The following RBM10 variants were observed in gnomAD, a reference collection of about 807,000 sequenced individuals.
The protein encoded by RBM10 is RNA binding motif protein 10.
A neutral mutation model predicts 84.9 loss-of-function variants in RBM10; 1 was observed. The ratio of observed to expected loss-of-function variants is 0.01; its 90% confidence interval spans 0.00 to 0.06. The LOEUF is 0.06. RBM10 is among the 10% of genes least tolerant of loss of function. RBM10 has a pLI of 1.00. For missense variants in RBM10, 438 were observed against 839.0 expected (o/e 0.52, Z 5.90); for synonymous variants, 326 against 344.5 (o/e 0.95, Z 0.60).
In RBM10 at chrX:47,153,132, C is replaced by T. The variant is rs183656159; in HGVS notation, c.17+5634C>T. On this transcript the variant is annotated intron_variant, in intron 2 of 23. Transcript: ENST00000377604. ...AAGTGCTGGGATTACAGGCATGAGC[C>T]ACCACATCCAGCCTGACATGACCTT... Among the ~76,000 whole-genome samples, 852 of 112,349 alleles carry T rather than the reference C, an allele frequency of 7.6e-3. 3 individuals carry two copies. The highest frequency in any genetic ancestry group is 0.013 in the Non-Finnish European group (708 of 53,276).
In RBM10 at chrX:47,147,474, A is replaced by G. The variant is rs781830887; in HGVS notation, c.-8A>G. 7 of 1,210,082 alleles carry G rather than the reference A, an allele frequency of 5.8e-6. No homozygotes were observed. The highest frequency in any genetic ancestry group is 3.5e-5 in the South Asian group (2 of 56,837). The stretch of plus-strand genomic sequence containing the variant: ...GGCCCCAGCAGCCCCCGAAGGCCCT[A>G]TCAGGACATGGAGTATGAAAGACGG... On this transcript the variant is annotated 5_prime_UTR_variant, in exon 2 of 24. Transcript: ENST00000377604.
In RBM10 at chrX:47,186,701, G is replaced by C. The variant is rs1435954074; in HGVS notation, c.*102G>C. 1 of 1,047,182 alleles carries C rather than the reference G, an allele frequency of 9.5e-7. No individual in the cohort carries two copies. The highest frequency in any genetic ancestry group is 3.1e-5 in the East Asian group (1 of 32,670). The allele number at this position is 1,047,182 out of a possible 1,213,427, so 86.3% of individuals were successfully genotyped here. On this transcript the variant is annotated 3_prime_UTR_variant, in exon 24 of 24. Coordinates refer to ENST00000377604, the MANE Select transcript of RBM10 (RefSeq NM_005676.5). ...GACGGGGCCTTGCTCTTGTCGGCCA[G>C]CCCACTCCCCAGCCAGAGAGGGCTT...
chrX:47,150,868 G>A (rs1556763483), intron 2 of RBM10, among the ~76,000 whole-genome samples: 2 of 111,657 alleles, frequency 1.8e-5, no homozygotes, highest in Admixed American at 9.6e-5. Flanking sequence ...AATTTTGATC[G>A]ATGTTACACT....
intron 11 of RBM10, 42 bp downstream of exon 11, chrX:47,180,351 C>A: frequency 1.8e-6 from 2 of 1,097,141 alleles, no homozygotes; most frequent in Non-Finnish European, 2.5e-6. Flanking sequence ...TTCCCCTCCC[C>A]ACCCTCCCAC....
At chrX:47,175,810 G>T (rs931837823) in intron 6 of RBM10, among the ~76,000 whole-genome samples, 1 of 110,372 alleles carries the variant, frequency 9.1e-6, no homozygotes, top group Non-Finnish European at 1.9e-5. Flanking sequence ...CAACTCAGCA[G>T]CTTTGGGACC....
At chrX:47,160,226 A>G (rs1278027662) in intron 2 of RBM10, among the ~76,000 whole-genome samples, 1 of 112,509 alleles carries the variant, frequency 8.9e-6, no homozygotes, top group African/African-American at 3.2e-5. Context: ...CTAAGTCCCC[A>G]AAAGCAATTG....
rs375054626 is a variant in RBM10 at position 47,171,141 on chromosome X, G to A, written c.315G>A (p.Gln105=). ...GFPRDGDYRD[Q]DYRTEQGEEE... ...CCCGAGACGGCGACTATCGGGACCA[G>A]GACTATCGGACCGAGCAAGGGGAGG... Residue 105 remains glutamine, a synonymous_variant, in exon 4 of 24, where the codon CAG becomes CAA. Coordinates refer to ENST00000377604, the MANE Select transcript of RBM10 (RefSeq NM_005676.5). The A allele has an allele frequency of 3.8e-5, 46 of 1,208,317 alleles. No individual in the cohort carries two copies. The East Asian group carries it at 9.5e-4, about 25-fold the overall frequency.
In RBM10 at chrX:47,181,346, C is replaced by G. The variant is rs782292243; in HGVS notation, c.1380C>G (p.Leu460=). The change falls in exon 13 of 24, where the codon CTC becomes CTG. Residue 460 remains leucine (L), a synonymous_variant. Coordinates refer to ENST00000377604, the MANE Select transcript of RBM10 (RefSeq NM_005676.5). Reference sequence around the variant, plus strand: ...CTTCCCTCTATGCCCATGGCTACCTCAAGGGCACCAAGGGCCCTGGCATCA... The same window carrying G: ...CTTCCCTCTATGCCCATGGCTACCTGAAGGGCACCAAGGGCCCTGGCATCA... ...TESSLYAHGY[L]KGTKGPGITG... 1 of 1,201,248 alleles carries G rather than the reference C, an allele frequency of 8.3e-7. No individual in the cohort carries two copies. The highest frequency in any genetic ancestry group is 1.1e-6 in the Non-Finnish European group (1 of 889,968).
At chrX:47,145,747 T>C (rs1326357428) in intron 1 of RBM10, among the ~76,000 whole-genome samples, 1 of 100,018 alleles carries the variant, frequency 1.0e-5, no homozygotes, top group African/African-American at 3.8e-5. Context: ...GGGAGTGGGC[T>C]ACTGTGGATC....
In RBM10 at chrX:47,186,642, TGGGGCA is replaced by T; in HGVS notation, c.*47_*52del. ...TTCTCCACATGTTGGGTGTCCATCC[TGGGGCA>T]GGGAAGGACAGAGTGTTGGATGGCT... is the stretch of plus-strand genomic sequence containing the variant. On this transcript the variant is annotated 3_prime_UTR_variant, in exon 24 of 24. Coordinates refer to ENST00000377604, the MANE Select transcript of RBM10 (RefSeq NM_005676.5). 3.3e-6 allele frequency: 4 copies of T among 1,206,117 alleles called. No homozygotes were observed. The highest frequency in any genetic ancestry group is 4.5e-6 in the Non-Finnish European group (4 of 891,287).
chrX:47,166,156 C>T (rs1431476405), intron 2 of RBM10, among the ~76,000 whole-genome samples: 1 of 112,219 alleles, frequency 8.9e-6, no homozygotes, highest in Non-Finnish European at 1.9e-5. Context: ...TCTGTAATCT[C>T]AGCACTTTGG....
chrX:47,155,476 T>TAA (rs1484298755), intron 2 of RBM10, among the ~76,000 whole-genome samples: 1 of 110,194 alleles, frequency 9.1e-6, no homozygotes, highest in African/African-American at 3.3e-5. Flanking sequence ...CTCATGCCTG[T>TAA]AATCCCAGCA....
At position 47,165,273 on chromosome X, in the gene RBM10, T is replaced by C. The variant is rs782493455; in HGVS notation, c.18-4042T>C. Among the ~76,000 whole-genome samples, 554 of 110,049 alleles carry C rather than the reference T, an allele frequency of 5.0e-3. 2 individuals are homozygous for C. Among genetic ancestry groups the C allele is most frequent in the African/African-American group, 0.018 (530 of 30,204 alleles). ...GCTCATACCTGTAATCCCAGCACTT[T>C]GGGAGGCCGAGACGGGCGGATCACC... On this transcript the variant is annotated intron_variant, in intron 2 of 23. Transcript: ENST00000377604.
rs1556761636 is a variant in RBM10, at chrX:47,145,485, G to A, written c.-126G>A. The A allele has an allele frequency of 8.7e-7, 1 of 1,154,075 alleles. No individual in the cohort carries two copies. The highest frequency in any genetic ancestry group is 2.6e-5 in the Admixed American group (1 of 38,725). ...CTTCCTTGACAGCCCGGGCCGAGAA[G>A]GTGAGCGTCGACGCTGGTCGTGGGG... is the stretch of plus-strand genomic sequence containing the variant. On this transcript the variant is annotated splice_region_variant and 5_prime_UTR_variant, in exon 1 of 24. Coordinates refer to ENST00000377604, the MANE Select transcript of RBM10 (RefSeq NM_005676.5).
At position 47,179,950 on chromosome X, in the gene RBM10, G is replaced by A. The variant is rs781846882; in HGVS notation, c.972G>A (p.Ala324=). The A allele has an allele frequency of 1.1e-5, 13 of 1,211,041 alleles. No homozygotes were observed. The highest frequency in any genetic ancestry group is 1.7e-5 in the African/African-American group (1 of 57,742). ...TCCTGGGGGCCCTGGCACCCTACGC[G>A]GTGCTGTCCTCCTCCAACGTGCGCG... The part of the protein sequence containing the change: ...DSILGALAPY[A]VLSSSNVRVI... The change falls in exon 10 of 24, where the codon GCG becomes GCA. Residue 324 remains alanine (A), a synonymous_variant. Transcript: ENST00000377604.
At chrX:47,147,572 A>G (rs1556762522) in intron 2 of RBM10, 74 bp downstream of exon 2, 1 of 1,136,856 alleles carries the variant, frequency 8.8e-7, no homozygotes, top group Non-Finnish European at 1.2e-6. Flanking sequence ...AGAAGGTGCT[A>G]GGATGGGGCT....
chrX:47,185,887 C>G, intron 21 of RBM10, 97 bp downstream of exon 21: 13 of 1,172,128 alleles, frequency 1.1e-5, no homozygotes, highest in Non-Finnish European at 1.4e-5. Context: ...GTGTTAACCC[C>G]GTGAGCCTTC....
At chrX:47,147,250 T>C in intron 1 of RBM10, 107 bp from the exon 2 acceptor site, 3 of 832,804 alleles carry the variant, frequency 3.6e-6, no homozygotes, top group Non-Finnish European at 5.2e-6. Context: ...TGGAAGACAA[T>C]GTCCCTGGGC....
intron 7 of RBM10, among the ~76,000 whole-genome samples, chrX:47,178,476 G>A (rs1304546368): frequency 9.0e-6 from 1 of 111,433 alleles, no homozygotes; most frequent in Middle Eastern, 4.3e-3. Context: ...CCCTCTTCAT[G>A]CTGCATCTGC....
Sources: allele counts gnomAD v4.1 joint callset (sites outside exome capture counted in the v4.1 genomes callset), GRCh38; gene constraint gnomAD v4.1.1; transcripts MANE v1.5; gene names NCBI Gene and HGNC (gene_info 2026-07-23, HGNC 2026-07-21).